Variants in HABP2 observed in about 807,000 individuals in gnomAD.
HABP2 encodes the protein factor VII-activating protease.
Under a neutral mutation model 66.5 loss-of-function variants are expected in HABP2, and 65 were observed. The observed-to-expected ratio is 0.98, with a 90% CI of 0.80 to 1.20. The LOEUF (loss-of-function observed/expected upper bound fraction) is 1.20. HABP2 is among the 50% of genes most tolerant of loss of function. The pLI, the probability that HABP2 is intolerant of heterozygous loss-of-function variation, is 0.00. For synonymous variants in HABP2, 263 were observed against 253.9 expected (o/e 1.04, Z -0.34); for missense variants, 786 against 691.0 (o/e 1.14, Z -1.54).
At chr10:113,553,311 G>A in intron 1 of HABP2, 121 bp downstream of exon 1, 2 of 743,548 alleles carry the variant, frequency 2.7e-6, no homozygotes, top group Non-Finnish European at 4.8e-6. Flanking sequence ...AGTTGGAGAT[G>A]TTCTAACTAC....
intron 9 of HABP2, 52 bp from the exon 10 acceptor site, chr10:113,583,162 CCA>C: frequency 6.4e-7 from 1 of 1,568,884 alleles, no homozygotes; most frequent in South Asian, 1.1e-5. Flanking sequence ...TTGCCAAAGG[CCA>C]CACAGCTGAG....
At chr10:113,583,401 G>A in intron 10 of HABP2, 43 bp downstream of exon 10, 2 of 1,585,890 alleles carry the variant, frequency 1.3e-6, no homozygotes, top group Non-Finnish European at 1.7e-6. Context: ...CTTGTCCTGG[G>A]TGGATTTCTC....
Position 113,588,903 on chromosome 10 carries a change from A to G in HABP2, c.*534A>G. On this transcript the variant is annotated 3_prime_UTR_variant, in exon 13 of 13. Transcript: ENST00000351270. ...TGGGCCATTCCAGCTTGCCGAAATC[A>G]AAGCCATCTGAAGCCTGTCTCTGGT... The G allele has an allele frequency of 8.2e-7, 1 of 1,226,738 alleles. No individual in the cohort carries two copies. Among genetic ancestry groups the G allele is most frequent in the Non-Finnish European group, 1.2e-6 (1 of 838,248 alleles). The allele number at this position is 1,226,738 out of a possible 1,614,324, so 76.0% of individuals were successfully genotyped here. A position where few individuals can be genotyped will look rare whatever the true frequency, so the allele number is the denominator to read the frequency against.
intron 2 of HABP2, among the ~76,000 whole-genome samples, chr10:113,573,288 C>G (rs1258420616): frequency 6.6e-6 from 1 of 152,250 alleles, no homozygotes; most frequent in Non-Finnish European, 1.5e-5. Flanking sequence ...GTCCAGCCAA[C>G]CTTACACATA....
intron 12 of HABP2, among the ~76,000 whole-genome samples, chr10:113,587,347 AC>A (rs1845664484): frequency 6.6e-6 from 1 of 151,678 alleles, no homozygotes; most frequent in Non-Finnish European, 1.5e-5. Flanking sequence ...ACAAAAAAAA[AC>A]CTCATTCAAT....
At chr10:113,560,094 G>T (rs1214183215) in intron 1 of HABP2, among the ~76,000 whole-genome samples, 2 of 152,214 alleles carry the variant, frequency 1.3e-5, no homozygotes, top group African/African-American at 4.8e-5. Flanking sequence ...CAGGTGTCCA[G>T]GAAGGAAACC....
At chr10:113,567,339 C>T in intron 1 of HABP2, 150 bp from the exon 2 acceptor site, 3 of 677,128 alleles carry the variant, frequency 4.4e-6, no homozygotes, top group Non-Finnish European at 8.1e-6. Flanking sequence ...GACCCCATTG[C>T]CCCTCCCTTC....
At position 113,580,694 on chromosome 10, in the gene HABP2, T is replaced by C. The variant is rs201663524; in HGVS notation, c.838+2T>C. ...ATGTCTCAGCCTGCTCAGCCCAGGG[T>C]AAAGGCCATGGCTGTTCAGAAGCCC... On this transcript the variant is annotated splice_donor_variant, in intron 8 of 12. Transcript: ENST00000351270. LOFTEE classifies it high-confidence loss of function. 68 of 1,496,810 alleles carry C rather than the reference T, an allele frequency of 4.5e-5. No individual in the cohort carries two copies. In the Middle Eastern group the frequency reaches 8.6e-4, roughly 19 times the overall value. 92.7% of individuals were successfully genotyped at this position (1,496,810 alleles called of 1,614,324 possible). A position where few individuals can be genotyped will look rare whatever the true frequency, so the allele number is the denominator to read the frequency against.
At chr10:113,553,223 A>C in intron 1 of HABP2, 33 bp downstream of exon 1, 1 of 1,500,838 alleles carries the variant, frequency 6.7e-7, no homozygotes. Context: ...TGTAGTTGAG[A>C]GACTCCGAAG....
chr10:113,576,997 A>G (rs1845423607), intron 4 of HABP2, among the ~76,000 whole-genome samples, 153 bp from the exon 5 acceptor site: 1 of 152,214 alleles, frequency 6.6e-6, no homozygotes, highest in African/African-American at 2.4e-5. Context: ...AAAATTAGAC[A>G]GAAGCCTTGT....
At chr10:113,558,081 A>G (rs1416531375) in intron 1 of HABP2, among the ~76,000 whole-genome samples, 1 of 152,210 alleles carries the variant, frequency 6.6e-6, no homozygotes, top group Admixed American at 6.5e-5. Flanking sequence ...AAAGGTGTCA[A>G]AATGGGCAGC....
Position 113,578,815 on chromosome 10 carries a change from T to G in HABP2, c.740+17T>G. 1 of 1,546,618 alleles carries G rather than the reference T, an allele frequency of 6.5e-7. No homozygotes were observed. The highest frequency in any genetic ancestry group is 8.9e-7 in the Non-Finnish European group (1 of 1,120,192). On this transcript the variant is annotated intron_variant, in intron 7 of 12. Transcript: ENST00000351270. Reference sequence around the variant, plus strand: ...TTTCTGCAGGTAACATTTACCTTATTTATGCTCAGTTGATTTTGGTCACTT... The same window carrying G: ...TTTCTGCAGGTAACATTTACCTTATGTATGCTCAGTTGATTTTGGTCACTT...
At chr10:113,582,193 C>G in intron 9 of HABP2, 62 bp downstream of exon 9, 2 of 1,494,160 alleles carry the variant, frequency 1.3e-6, no homozygotes, top group South Asian at 2.5e-5. Context: ...TCTCCCCTTC[C>G]CCTCTGAGCA....
At chr10:113,575,215 C>T (rs1845387436) in intron 3 of HABP2, among the ~76,000 whole-genome samples, 2 of 152,168 alleles carry the variant, frequency 1.3e-5, no homozygotes, top group Non-Finnish European at 2.9e-5. Context: ...CCCAGGGATC[C>T]TAGTTCCTGA....
intron 4 of HABP2, 60 bp downstream of exon 4, chr10:113,576,064 T>C: frequency 1.1e-6 from 1 of 930,686 alleles, no homozygotes; most frequent in Non-Finnish European, 1.8e-6. Context: ...CAGTCCTTTC[T>C]GTGTGAGAAA....
In HABP2 at chr10:113,578,643, T is replaced by C. The variant is rs764700677; in HGVS notation, c.585T>C (p.Tyr195=). 6 of 1,613,138 alleles carry C rather than the reference T, an allele frequency of 3.7e-6. No homozygotes were observed. The East Asian group carries it at 6.7e-5, about 18-fold the overall frequency. The stretch of plus-strand genomic sequence containing the variant: ...CTCTCGGAGGTTCTGATGACTGCTA[T>C]GTTGGCGATGGCTACTCTTACCGAG... The part of the protein sequence containing the change: ...KFCEIGSDDC[Y]VGDGYSYRGK... The change falls in exon 7 of 13, where the codon TAT becomes TAC. Residue 195 remains tyrosine, a synonymous_variant. Transcript: ENST00000351270.
At chr10:113,559,923 T>C (rs779119179) in intron 1 of HABP2, among the ~76,000 whole-genome samples, 11 of 152,198 alleles carry the variant, frequency 7.2e-5, no homozygotes, top group Non-Finnish European at 1.0e-4. Flanking sequence ...CCAGGAGACT[T>C]GAGCCTGAGT....
chr10:113,578,589 G>A, intron 6 of HABP2, 38 bp from the exon 7 acceptor site: 1 of 1,517,436 alleles, frequency 6.6e-7, no homozygotes, highest in Non-Finnish European at 9.1e-7. Context: ...GCATGCCAAT[G>A]GCTGTTGGTT....
upstream of HABP2, chr10:113,553,032 T>A (rs1467558653): frequency 1.1e-6 from 1 of 888,700 alleles, no homozygotes; most frequent in East Asian, 2.4e-5. Flanking sequence ...TGTTCCTGAA[T>A]CCTTGGAGAC....
Sources: allele counts gnomAD v4.1 joint callset (sites outside exome capture counted in the v4.1 genomes callset), GRCh38; gene constraint gnomAD v4.1.1; transcripts MANE v1.5; gene names NCBI Gene and HGNC (gene_info 2026-07-23, HGNC 2026-07-21).